The following DNAH11 variants were observed in gnomAD, a reference collection of about 807,000 sequenced individuals.
DNAH11 encodes axonemal beta dynein heavy chain 11.
A neutral mutation model predicts 526.0 loss-of-function variants in DNAH11; 442 were observed. The ratio of observed to expected loss-of-function variants is 0.84; its 90% CI spans 0.78 to 0.91. DNAH11 has a LOEUF of 0.91. DNAH11 is among the 40% of genes least tolerant of loss of function. DNAH11 has a pLI of 0.00. For synonymous variants in DNAH11, 2,461 were observed against 1,935.9 expected, an observed-to-expected ratio of 1.27 and a Z score of -7.12; for missense variants, 6,989 against 5,448.7, an observed-to-expected ratio of 1.28 and a Z score of -8.90.
In DNAH11 at chr7:21,786,712, G is replaced by A. The variant is rs372970766; in HGVS notation, c.9686G>A (p.Arg3229Gln). Residue 3229 changes from arginine (R) to glutamine (Q), a missense_variant, in exon 59 of 82, where the codon CGG (arginine) becomes CAG (glutamine). Coordinates refer to ENST00000409508, the MANE Select transcript of DNAH11 (RefSeq NM_001277115.2). ...TAAVMVLLAP[R>Q]GRVPKDRSWK... ...GCCGTGATGGTCCTTCTGGCTCCTC[G>A]GGGAAGAGTGCCCAAAGACCGAAGT... 68 of 1,613,680 alleles carry A rather than the reference G, an allele frequency of 4.2e-5. No individual in the cohort carries two copies. The highest frequency in any genetic ancestry group is 8.8e-5 in the South Asian group (8 of 91,048).
intron 8 of DNAH11, among the ~76,000 whole-genome samples, chr7:21,577,044 C>T (rs1784123660): frequency 6.6e-6 from 1 of 152,144 alleles, no homozygotes; most frequent in Non-Finnish European, 1.5e-5. Context: ...GATATTGGGA[C>T]TCAAGAAACA....
At chr7:21,567,328 G>A (rs527762326) in intron 6 of DNAH11, among the ~76,000 whole-genome samples, 6 of 151,964 alleles carry the variant, frequency 3.9e-5, no homozygotes, top group East Asian at 1.9e-4. Flanking sequence ...TGTTCTTTGC[G>A]TTCATGAATT....
At chr7:21,899,870 A>G (rs1784687687) in intron 80 of DNAH11, 110 bp from the exon 81 acceptor site, 2 of 1,373,628 alleles carry the variant, frequency 1.5e-6, no homozygotes, top group Admixed American at 2.5e-5. Flanking sequence ...CCAATGCCCA[A>G]GAACCTAAAA....
intron 41 of DNAH11, 25 bp from the exon 42 acceptor site, chr7:21,711,687 G>A: frequency 2.5e-6 from 4 of 1,602,930 alleles, no homozygotes; most frequent in Non-Finnish European, 2.6e-6. Context: ...TTTGCCCATG[G>A]GTGACAGTGT....
intron 61 of DNAH11, among the ~76,000 whole-genome samples, chr7:21,790,775 A>G (rs758458520): frequency 6.6e-6 from 1 of 152,340 alleles, no homozygotes; most frequent in Non-Finnish European, 1.5e-5. Context: ...GAGCCCTGCA[A>G]TGAATGTTTT....
Position 21,564,187 on chromosome 7 carries a change from T to A in DNAH11, c.984T>A (p.Ala328=). The change falls in exon 6 of 82, where the codon GCT becomes GCA. Residue 328 remains alanine (A), a splice_region_variant and synonymous_variant. Transcript: ENST00000409508. ...LKDIFLAVEN[A]LLEAQDVELY... is the part of the protein sequence containing the mutation. The stretch of plus-strand genomic sequence containing the variant: ...TTAATGGTGGTTCTTTGCTTTCAGC[T>A]CTTCTCGAAGCCCAAGATGTGGAAC... The A allele has an allele frequency of 6.4e-7, 1 of 1,563,896 alleles. No individual in the cohort carries two copies. The highest frequency in any genetic ancestry group is 8.6e-7 in the Non-Finnish European group (1 of 1,158,072).
At chr7:21,859,700 T>G (rs898518984) in intron 68 of DNAH11, among the ~76,000 whole-genome samples, 4 of 152,126 alleles carry the variant, frequency 2.6e-5, no homozygotes, top group African/African-American at 9.7e-5. Flanking sequence ...ATTTTTATAT[T>G]GATGGCTATT....
At chr7:21,870,434 G>T (rs1282713107) in intron 73 of DNAH11, among the ~76,000 whole-genome samples, 1 of 152,148 alleles carries the variant, frequency 6.6e-6, no homozygotes, top group Non-Finnish European at 1.5e-5. Context: ...CTTTGTAAGG[G>T]GACTTGAGGG....
intron 50 of DNAH11, 119 bp from the exon 51 acceptor site, chr7:21,744,751 A>G: frequency 7.0e-7 from 1 of 1,435,384 alleles, no homozygotes; most frequent in South Asian, 1.3e-5. Context: ...GCTTGGGAAC[A>G]TTCCACCCAC....
intron 76 of DNAH11, among the ~76,000 whole-genome samples, chr7:21,889,318 C>G (rs1489974144): frequency 6.6e-6 from 1 of 152,172 alleles, no homozygotes; most frequent in Non-Finnish European, 1.5e-5. Context: ...TGGGTTGTTT[C>G]TCCTTCTTGG....
chr7:21,680,507 G>A (rs1287507957), intron 30 of DNAH11, among the ~76,000 whole-genome samples: 1 of 152,112 alleles, frequency 6.6e-6, no homozygotes, highest in Non-Finnish European at 1.5e-5. Context: ...TTCACCATAA[G>A]AAATATTTTC....
rs1455823071 is a variant in DNAH11, at chr7:21,845,299, T to C, written c.10896+2551T>C. On this transcript the variant is annotated intron_variant, in intron 66 of 81. Transcript: ENST00000409508. ...ATCTAAGAAATCATTAACTGACAGT[T>C]CGTGAAGATTTATGTTTTCTCTTAG... Among the ~76,000 whole-genome samples the C allele has an allele frequency of 2.6e-5, 4 of 152,188 alleles. No individual in the cohort carries two copies. The East Asian group carries it at 7.7e-4, about 29-fold the overall frequency.
chr7:21,728,320 C>T (rs1265824293), intron 45 of DNAH11, among the ~76,000 whole-genome samples: 1 of 130,842 alleles, frequency 7.6e-6, no homozygotes, highest in Non-Finnish European at 1.5e-5. Flanking sequence ...TGCAGTGGTG[C>T]AATCTTGGCT....
chr7:21,760,395 G>C (rs1203047542), intron 54 of DNAH11, among the ~76,000 whole-genome samples: 1 of 152,128 alleles, frequency 6.6e-6, no homozygotes. Context: ...ATCCTTGGAA[G>C]GTTTCTTTGG....
At chr7:21,624,945 T>C (rs139475292) in intron 25 of DNAH11, among the ~76,000 whole-genome samples, 280 of 152,264 alleles carry the variant, frequency 1.8e-3, no homozygotes, top group African/African-American at 6.6e-3. Context: ...TGCTAGACTT[T>C]GCTGAGGATT....
intron 30 of DNAH11, among the ~76,000 whole-genome samples, chr7:21,668,037 A>G (rs1172777871): frequency 6.6e-6 from 1 of 152,164 alleles, no homozygotes; most frequent in East Asian, 1.9e-4. Flanking sequence ...AGATGTAAGG[A>G]TTTTCCACTC....
intron 14 of DNAH11, among the ~76,000 whole-genome samples, chr7:21,594,016 ACT>A (rs563213440): frequency 2.4e-4 from 36 of 149,150 alleles, no homozygotes; most frequent in African/African-American, 8.9e-4. Context: ...TCACACACAC[ACT>A]CACACACACT....
chr7:21,590,217 T>G (rs1784624045), intron 12 of DNAH11, among the ~76,000 whole-genome samples: 2 of 152,214 alleles, frequency 1.3e-5, no homozygotes, highest in Admixed American at 6.5e-5. Context: ...CAATGCTAGA[T>G]GTGCATGTAT....
chr7:21,698,307 T>G, intron 36 of DNAH11, 94 bp downstream of exon 36: 3 of 1,524,504 alleles, frequency 2.0e-6, no homozygotes, highest in Non-Finnish European at 2.6e-6. Flanking sequence ...TCAAATTACA[T>G]TAGACATTAA....
Sources: gnomAD v4.1 joint callset for allele counts (sites outside exome capture counted in the v4.1 genomes callset) on GRCh38, gnomAD v4.1.1 for gene constraint, MANE v1.5 for transcripts, NCBI Gene and HGNC (gene_info 2026-07-23, HGNC 2026-07-21) for gene names.